Variants in XPR1 observed in about 807,000 individuals in gnomAD.
The protein encoded by XPR1 is xenotropic and polytropic retrovirus receptor 1.
In XPR1, 28 loss-of-function variants were observed where a neutral mutation model predicts 87.5. The observed-to-expected ratio is 0.32, with a 90% CI of 0.24 to 0.44. The LOEUF (loss-of-function observed/expected upper bound fraction) is 0.44. XPR1 is among the 20% of genes least tolerant of loss of function. The probability of loss-of-function intolerance (pLI) is 1.00; values close to 1 mark genes in which losing one functional copy is unlikely to be tolerated. For synonymous variants in XPR1, 300 were observed against 306.1 expected (o/e 0.98, Z 0.21); for missense variants, 559 against 862.3 (o/e 0.65, Z 4.41).
chr1:180,758,125 A>ACACACACACACG (rs1647830965), intron 2 of XPR1, among the ~76,000 whole-genome samples: 1 of 139,612 alleles, frequency 7.2e-6, no homozygotes, highest in Non-Finnish European at 1.5e-5. Flanking sequence ...ACACACACAC[A>ACACACACACACG]CACACACACA....
At chr1:180,771,564 A>G (rs1648514970) in intron 2 of XPR1, among the ~76,000 whole-genome samples, 1 of 152,170 alleles carries the variant, frequency 6.6e-6, no homozygotes, top group South Asian at 2.1e-4. Context: ...GAACCAATTC[A>G]GGATCTCACG....
intron 1 of XPR1, among the ~76,000 whole-genome samples, chr1:180,643,273 A>G (rs1571669570): frequency 1.3e-5 from 2 of 152,194 alleles, no homozygotes; most frequent in East Asian, 1.9e-4. Context: ...TATTTAGTCA[A>G]TCTTAATATG....
intron 7 of XPR1, among the ~76,000 whole-genome samples, chr1:180,820,473 G>A (rs546808511): frequency 1.7e-4 from 26 of 152,262 alleles, no homozygotes; most frequent in African/African-American, 6.0e-4. Context: ...TTTTATGGCT[G>A]AGTAATATTC....
At chr1:180,663,195 G>C (rs534904429) in intron 1 of XPR1, among the ~76,000 whole-genome samples, 1 of 152,178 alleles carries the variant, frequency 6.6e-6, no homozygotes, top group Non-Finnish European at 1.5e-5. Flanking sequence ...TGGATTGTTC[G>C]TTGGTGTTTG....
At chr1:180,820,147 CACATA>C (rs1212289486) in intron 7 of XPR1, among the ~76,000 whole-genome samples, 4 of 151,670 alleles carry the variant, frequency 2.6e-5, no homozygotes, top group Non-Finnish European at 5.9e-5. Context: ...AGGTGAAGTT[CACATA>C]ACATAAAATA....
chr1:180,696,208 G>GTATGTATATATA (rs1657169343), intron 2 of XPR1, among the ~76,000 whole-genome samples: 1 of 88,566 alleles, frequency 1.1e-5, no homozygotes, highest in African/African-American at 3.7e-5. Flanking sequence ...GTGTGTGTGT[G>GTATGTATATATA]TATATATATA....
At chr1:180,783,820 C>T (rs944325562) in intron 2 of XPR1, among the ~76,000 whole-genome samples, 8 of 151,766 alleles carry the variant, frequency 5.3e-5, no homozygotes, top group Non-Finnish European at 1.0e-4. Context: ...TTTGGGAGGC[C>T]GAGGCAGGTG....
intron 2 of XPR1, among the ~76,000 whole-genome samples, chr1:180,746,645 G>A (rs1166017446): frequency 3.3e-5 from 5 of 151,990 alleles, no homozygotes; most frequent in African/African-American, 7.2e-5. Flanking sequence ...TTACTGGATC[G>A]AATGGTAGAT....
chr1:180,751,463 T>C (rs1007040771), intron 2 of XPR1, among the ~76,000 whole-genome samples: 16 of 152,040 alleles, frequency 1.1e-4, no homozygotes, highest in African/African-American at 3.9e-4. Flanking sequence ...AAAATATGGG[T>C]TTCTGATTTT....
At chr1:180,763,780 G>A (rs2102056335) in intron 2 of XPR1, among the ~76,000 whole-genome samples, 2 of 152,288 alleles carry the variant, frequency 1.3e-5, no homozygotes, top group South Asian at 4.1e-4. Context: ...GATGACTCTG[G>A]AGGAAACACT....
At chr1:180,663,623 G>T (rs1655853001) in intron 1 of XPR1, among the ~76,000 whole-genome samples, 1 of 152,164 alleles carries the variant, frequency 6.6e-6, no homozygotes, top group Non-Finnish European at 1.5e-5. Context: ...GTTTCTGAAG[G>T]ACTGCTATAA....
intron 11 of XPR1, among the ~76,000 whole-genome samples, chr1:180,846,177 G>C (rs1158231657): frequency 6.6e-6 from 1 of 150,778 alleles, no homozygotes; most frequent in Non-Finnish European, 1.5e-5. Context: ...CAGGAGAATC[G>C]CTTGAACCCA....
At chr1:180,803,125 A>G (rs1286090149) in intron 3 of XPR1, among the ~76,000 whole-genome samples, 1 of 152,204 alleles carries the variant, frequency 6.6e-6, no homozygotes, top group East Asian at 1.9e-4. Context: ...GAGAGGCTGT[A>G]CCATTTTGCG....
chr1:180,873,903 A>G lies in XPR1; in HGVS notation c.1769A>G (p.Asp590Gly). ...ACAACTTTGTTGCCTCATTCTGGGG[A>G]CATCATTGCTACTGTCTTTGCCCCA... is the stretch of plus-strand genomic sequence containing the variant. Reference protein sequence around the residue: ...TSTTLLPHSGDIIATVFAPLE... With the variant: ...TSTTLLPHSGGIIATVFAPLE... Residue 590 changes from aspartate (D) to glycine (G), a missense_variant, in exon 13 of 15, where the codon GAC becomes GGC. By Grantham distance (94) the Asp-to-Gly change is moderately conservative. Around this residue, in one of 7 missense-constraint regions of XPR1, gnomAD observed 264 missense variants for 377.2 expected, o/e 0.70. Coordinates refer to ENST00000367590, the MANE Select transcript of XPR1 (RefSeq NM_004736.4). 6.2e-7 allele frequency: 1 copy of G among 1,614,142 alleles called. No individual in the cohort carries two copies. Among genetic ancestry groups the G allele is most frequent in the Non-Finnish European group, 8.5e-7 (1 of 1,180,018 alleles).
chr1:180,762,993 G>A (rs1297038573), intron 2 of XPR1, among the ~76,000 whole-genome samples: 5 of 152,064 alleles, frequency 3.3e-5, no homozygotes, highest in Admixed American at 1.3e-4. Flanking sequence ...CATTTTACAC[G>A]AATGACTTGC....
chr1:180,759,775 A>G (rs1013039620), intron 2 of XPR1, among the ~76,000 whole-genome samples: 2 of 152,240 alleles, frequency 1.3e-5, no homozygotes, highest in African/African-American at 4.8e-5. Context: ...TGAGGCCAGC[A>G]TCATCCTGAT....
chr1:180,826,282 C>T (rs908929821), intron 9 of XPR1, among the ~76,000 whole-genome samples: 1 of 151,930 alleles, frequency 6.6e-6, no homozygotes, highest in Non-Finnish European at 1.5e-5. Context: ...CAGGTACAGT[C>T]GCTCATGCCT....
chr1:180,653,251 T>G (rs1467958514), intron 1 of XPR1, among the ~76,000 whole-genome samples: 1 of 152,184 alleles, frequency 6.6e-6, no homozygotes, highest in East Asian at 1.9e-4. Context: ...CTAACCTGTA[T>G]AATCAGTAGA....
chr1:180,669,449 C>G (rs1251577189), intron 1 of XPR1, among the ~76,000 whole-genome samples: 1 of 152,054 alleles, frequency 6.6e-6, no homozygotes, highest in Non-Finnish European at 1.5e-5. Context: ...GTGGCGCAAT[C>G]TTGGCTCACT....
Sources: gnomAD v4.1 joint callset for allele counts (sites outside exome capture counted in the v4.1 genomes callset) on GRCh38, gnomAD v4.1.1 for gene constraint, gnomAD v4.1.1 regional missense constraint, MANE v1.5 for transcripts, NCBI Gene and HGNC (gene_info 2026-07-23, HGNC 2026-07-21) for gene names.